TMEM63C: variants seen among roughly 807,000 people sequenced by gnomAD.
TMEM63C encodes transmembrane protein 63C.
In TMEM63C, 32 loss-of-function variants were observed where a neutral mutation model predicts 99.2. The observed-to-expected ratio is 0.32, with a 90% CI of 0.24 to 0.43. TMEM63C has a LOEUF of 0.43. Among genes scored for constraint, TMEM63C ranks in the 20% least tolerant of loss-of-function variants. The pLI, the probability that TMEM63C is intolerant of heterozygous loss-of-function variation, is 1.00. For synonymous variants in TMEM63C, 376 were observed against 397.9 expected, an observed-to-expected ratio of 0.94 and a Z score of 0.66; for missense variants, 826 against 1,053.0, an observed-to-expected ratio of 0.78 and a Z score of 2.98.
intron 1 of TMEM63C, among the ~76,000 whole-genome samples, chr14:77,193,224 A>C (rs1231589555): frequency 6.6e-6 from 1 of 152,244 alleles, no homozygotes; most frequent in Non-Finnish European, 1.5e-5. Flanking sequence ...ACCATTTTTA[A>C]ACTCACTGTA....
chr14:77,189,130 G>T (rs1423387046), intron 1 of TMEM63C, among the ~76,000 whole-genome samples: 3 of 148,924 alleles, frequency 2.0e-5, no homozygotes, highest in Non-Finnish European at 4.5e-5. Flanking sequence ...TTTTTTTTGA[G>T]ACAGGGTCTT....
At chr14:77,198,758 G>A (rs1010018985) in intron 1 of TMEM63C, among the ~76,000 whole-genome samples, 1 of 152,208 alleles carries the variant, frequency 6.6e-6, no homozygotes, top group Non-Finnish European at 1.5e-5. Flanking sequence ...GGAAGTGCAG[G>A]AGGGAAGCAG....
chr14:77,214,803 G>C (rs919225200), intron 2 of TMEM63C, among the ~76,000 whole-genome samples: 2 of 151,936 alleles, frequency 1.3e-5, no homozygotes, highest in African/African-American at 4.8e-5. Context: ...CCGATAGCCG[G>C]AATCTCTTTC....
chr14:77,245,245 C>T (rs968816506), intron 16 of TMEM63C, among the ~76,000 whole-genome samples: 2 of 152,212 alleles, frequency 1.3e-5, no homozygotes, highest in African/African-American at 2.4e-5. Context: ...TCTGTGCCTT[C>T]CCATCCCTTC....
chr14:77,228,768 C>T (rs1888881802), intron 6 of TMEM63C, among the ~76,000 whole-genome samples: 1 of 152,098 alleles, frequency 6.6e-6, no homozygotes, highest in South Asian at 2.1e-4. Context: ...AACTCCTGAT[C>T]TCAAGTGATC....
intron 1 of TMEM63C, among the ~76,000 whole-genome samples, chr14:77,209,159 G>A (rs1888454608): frequency 6.6e-6 from 1 of 152,136 alleles, no homozygotes; most frequent in Admixed American, 6.5e-5. Context: ...AATCACCCTG[G>A]TATAGGCAGG....
chr14:77,230,129 G>T (rs1186767653), intron 6 of TMEM63C, among the ~76,000 whole-genome samples: 1 of 151,880 alleles, frequency 6.6e-6, no homozygotes, highest in Non-Finnish European at 1.5e-5. Context: ...TTGAACCCGG[G>T]AGGAGGAGGT....
In TMEM63C at chr14:77,194,336, ATGTGTGTGTGTG is replaced by A. The variant is rs36201483; in HGVS notation, c.-77+12478_-77+12489del. On this transcript the variant is annotated intron_variant, in intron 1 of 23. Coordinates refer to ENST00000298351, the MANE Select transcript of TMEM63C (RefSeq NM_020431.4). ...AAGATGCAGGCATAGATATATATATATGTGTGTGTGTGTGTGTGTGTGTGTGTGTGTGTGTGT... is the reference window on the plus strand; with the variant it reads ...AAGATGCAGGCATAGATATATATATATGTGTGTGTGTGTGTGTGTGTGTGT... 5.1e-3 allele frequency among the ~76,000 whole-genome samples: 450 copies of A among 87,532 alleles called. 1 individual carries two copies. The highest frequency in any genetic ancestry group is 0.013 in the South Asian group (26 of 2,048). 57.4% of individuals were successfully genotyped at this position (87,532 alleles called of 152,430 possible).
At chr14:77,224,382 A>G (rs76035555) in intron 5 of TMEM63C, among the ~76,000 whole-genome samples, 3,020 of 152,156 alleles carry the variant, frequency 0.02, 92 homozygotes, top group African/African-American at 0.069. Flanking sequence ...ATGTGGTTCC[A>G]GAGGACTATC....
chr14:77,187,779 G>T (rs975895480), intron 1 of TMEM63C, among the ~76,000 whole-genome samples: 2 of 152,190 alleles, frequency 1.3e-5, no homozygotes, highest in African/African-American at 4.8e-5. Flanking sequence ...CCCAGGGCCT[G>T]GTGTCCCCGT....
chr14:77,191,532 C>CTTTTTTTTTTTTTTTTT (rs1888107205), intron 1 of TMEM63C, among the ~76,000 whole-genome samples: 2 of 92,414 alleles, frequency 2.2e-5, no homozygotes, highest in Admixed American at 1.5e-4. Flanking sequence ...TTTCTTTTTT[C>CTTTTTTTTTTTTTTTTT]TTTTTCTTTT....
At chr14:77,248,708 G>A (rs958397942) in intron 19 of TMEM63C, 59 bp from the exon 20 acceptor site, 5 of 1,556,244 alleles carry the variant, frequency 3.2e-6, no homozygotes, top group Admixed American at 1.7e-5. Context: ...AGGAGCCACA[G>A]AAGTAGTCAA....
intron 1 of TMEM63C, among the ~76,000 whole-genome samples, chr14:77,199,544 T>G (rs1211911713): frequency 6.6e-6 from 1 of 152,170 alleles, no homozygotes; most frequent in Non-Finnish European, 1.5e-5. Context: ...GGACTATCCT[T>G]GTTCCCACTG....
intron 6 of TMEM63C, 41 bp downstream of exon 6, chr14:77,225,502 TG>T: frequency 6.3e-7 from 1 of 1,595,894 alleles, no homozygotes; most frequent in Non-Finnish European, 8.6e-7. Flanking sequence ...CGTGTTGCCT[TG>T]GGGGTGGGGG....
intron 1 of TMEM63C, among the ~76,000 whole-genome samples, chr14:77,202,311 C>CACACACAA (rs1888312613): frequency 6.6e-6 from 1 of 150,420 alleles, no homozygotes; most frequent in South Asian, 2.1e-4. Context: ...CACACACACA[C>CACACACAA]AAACACATTG....
intron 5 of TMEM63C, among the ~76,000 whole-genome samples, chr14:77,221,792 T>C (rs1466935225): frequency 1.3e-5 from 2 of 150,812 alleles, no homozygotes; most frequent in South Asian, 2.1e-4. Flanking sequence ...CTAAATCCAA[T>C]GGACTTTTCT....
At chr14:77,222,093 C>G (rs1422814000) in intron 5 of TMEM63C, among the ~76,000 whole-genome samples, 10 of 152,304 alleles carry the variant, frequency 6.6e-5, no homozygotes, top group South Asian at 2.1e-4. Flanking sequence ...CTGTCTCCAG[C>G]TAATCCTCTC....
intron 5 of TMEM63C, among the ~76,000 whole-genome samples, chr14:77,224,843 T>TA (rs1263959521): frequency 4.0e-5 from 6 of 151,840 alleles, no homozygotes; most frequent in South Asian, 4.1e-4. Context: ...TTTTTTTTTT[T>TA]AATTTTAATA....
intron 2 of TMEM63C, among the ~76,000 whole-genome samples, chr14:77,217,361 C>T (rs1408312715): frequency 6.6e-6 from 1 of 152,160 alleles, no homozygotes; most frequent in African/African-American, 2.4e-5. Flanking sequence ...TGAGGAATTC[C>T]CTAATCACCC....
Sources: gnomAD v4.1 joint callset for allele counts (sites outside exome capture counted in the v4.1 genomes callset) on GRCh38, gnomAD v4.1.1 for gene constraint, MANE v1.5 for transcripts, NCBI Gene and HGNC (gene_info 2026-07-23, HGNC 2026-07-21) for gene names.